Variants in DLG2 observed in about 807,000 individuals in gnomAD.
DLG2 encodes the protein disks large homolog 2.
A neutral mutation model predicts 132.5 loss-of-function variants in DLG2; 45 were observed. The observed-to-expected ratio is 0.34, with a 90% CI of 0.27 to 0.44. The LOEUF is 0.44. Ranked by LOEUF, DLG2 falls within the 20% of genes least tolerant of loss-of-function variation. The pLI, the probability that DLG2 is intolerant of heterozygous loss-of-function variation, is 1.00. For synonymous variants in DLG2, 424 were observed against 419.6 expected (o/e 1.01, Z -0.13); for missense variants, 1,045 against 1,196.9 (o/e 0.87, Z 1.87).
chr11:84,270,293 G>A (rs1289271432), intron 7 of DLG2, among the ~76,000 whole-genome samples: 1 of 152,194 alleles, frequency 6.6e-6, no homozygotes, highest in Non-Finnish European at 1.5e-5. Flanking sequence ...GATAAGAAAA[G>A]TTCTGTGTTG....
At chr11:85,559,142 C>CATT (rs1294604873) in intron 3 of DLG2, among the ~76,000 whole-genome samples, 2 of 149,912 alleles carry the variant, frequency 1.3e-5, no homozygotes, top group African/African-American at 2.5e-5. Context: ...ATATGGCTTC[C>CATT]ATTATTATTA....
chr11:84,334,670 C>T (rs1185319729), intron 7 of DLG2, among the ~76,000 whole-genome samples: 1 of 152,150 alleles, frequency 6.6e-6, no homozygotes, highest in African/African-American at 2.4e-5. Context: ...CTTCAAAAGG[C>T]CTCAGTTTAC....
At chr11:85,410,105 T>C (rs531474213) in intron 3 of DLG2, among the ~76,000 whole-genome samples, 68 of 151,856 alleles carry the variant, frequency 4.5e-4, no homozygotes, top group African/African-American at 1.3e-3. Context: ...TACTGCAAAA[T>C]TGATGGACAC....
At chr11:83,982,426 G>A (rs1476388327) in intron 11 of DLG2, among the ~76,000 whole-genome samples, 1 of 149,228 alleles carries the variant, frequency 6.7e-6, no homozygotes, top group African/African-American at 2.5e-5. Flanking sequence ...CCCTGGGTAG[G>A]CCTAGGCTAA....
At chr11:84,606,810 G>T (rs540616922) in intron 6 of DLG2, among the ~76,000 whole-genome samples, 1 of 152,054 alleles carries the variant, frequency 6.6e-6, no homozygotes, top group Non-Finnish European at 1.5e-5. Flanking sequence ...ACATTGATGC[G>T]TTAAGCTCCT....
intron 19 of DLG2, among the ~76,000 whole-genome samples, chr11:83,551,638 T>C (rs924520947): frequency 1.3e-5 from 2 of 152,116 alleles, no homozygotes; most frequent in African/African-American, 4.8e-5. Context: ...CAGGCTGTAC[T>C]GTAGCAGGAG....
At chr11:84,663,798 T>C (rs1322223200) in intron 6 of DLG2, among the ~76,000 whole-genome samples, 1 of 152,182 alleles carries the variant, frequency 6.6e-6, no homozygotes, top group African/African-American at 2.4e-5. Context: ...AGTTCCCATA[T>C]CTAATTCTTA....
chr11:83,682,522 C>T, intron 18 of DLG2: 4 of 868,436 alleles, frequency 4.6e-6, no homozygotes, highest in Non-Finnish European at 5.5e-6. Flanking sequence ...CCCCCATCCT[C>T]TGCTCGTGTT....
intron 10 of DLG2, among the ~76,000 whole-genome samples, chr11:84,086,646 C>A (rs2096987309): frequency 6.6e-6 from 1 of 151,884 alleles, no homozygotes; most frequent in African/African-American, 2.4e-5. Flanking sequence ...TGCACCACCA[C>A]ACCTGGCTAA....
chr11:84,674,207 C>A (rs1446544219), intron 6 of DLG2, among the ~76,000 whole-genome samples: 1 of 152,044 alleles, frequency 6.6e-6, no homozygotes, highest in Non-Finnish European at 1.5e-5. Flanking sequence ...CTACTGTATT[C>A]AACAGTAAAT....
chr11:85,529,990 T>G (rs951136985), intron 3 of DLG2, among the ~76,000 whole-genome samples: 1 of 149,356 alleles, frequency 6.7e-6, no homozygotes, highest in Non-Finnish European at 1.5e-5. Context: ...AGGGTTTGTT[T>G]TTTTTTTTTT....
intron 15 of DLG2, among the ~76,000 whole-genome samples, chr11:83,886,806 A>G (rs564835583): frequency 8.6e-5 from 13 of 151,992 alleles, no homozygotes; most frequent in African/African-American, 3.1e-4. Context: ...ACTCAAAACC[A>G]CTCAACTACA....
intron 6 of DLG2, among the ~76,000 whole-genome samples, chr11:84,983,068 T>G (rs2055987465): frequency 6.6e-6 from 1 of 152,186 alleles, no homozygotes; most frequent in Non-Finnish European, 1.5e-5. Flanking sequence ...AGAAGTCTTA[T>G]CCAGTGCAAC....
intron 6 of DLG2, among the ~76,000 whole-genome samples, chr11:84,928,982 G>GTGTGTGTGTGTGTGTA (rs1400906684): frequency 8.1e-5 from 4 of 49,116 alleles, no homozygotes; most frequent in Admixed American, 2.9e-4. Context: ...GTGTGTGTGT[G>GTGTGTGTGTGTGTGTA]TATATATATA....
chr11:84,494,447 C>A (rs2099174737), intron 7 of DLG2, among the ~76,000 whole-genome samples: 1 of 152,156 alleles, frequency 6.6e-6, no homozygotes, highest in Non-Finnish European at 1.5e-5. Flanking sequence ...TGCTTAGAGA[C>A]TGGCCAGAGA....
intron 18 of DLG2, among the ~76,000 whole-genome samples, chr11:83,721,381 T>C (rs986613363): frequency 6.6e-6 from 1 of 152,194 alleles, no homozygotes; most frequent in African/African-American, 2.4e-5. Context: ...TACCACAATA[T>C]ATTAAGTATG....
At position 83,965,436 on chromosome 11, in the gene DLG2, G is replaced by C; in HGVS notation, c.1089C>G (p.His363Gln). Residue 363 changes from histidine to glutamine, a missense_variant, in exon 13 of 28, where the codon CAC becomes CAG. Coordinates refer to ENST00000376104, the MANE Select transcript of DLG2 (RefSeq NM_001142699.3). ...VNNYSLEEVT[H>Q]EEAVAILKNT... ...TCTTTAATATTGCTACTGCCTCTTCGTGTGTTACTTCTTCTAAACTGTAGT... is the reference window on the plus strand; with the variant it reads ...TCTTTAATATTGCTACTGCCTCTTCCTGTGTTACTTCTTCTAAACTGTAGT... 1 of 1,610,620 alleles carries C rather than the reference G, an allele frequency of 6.2e-7. No homozygotes were observed. The highest frequency in any genetic ancestry group is 8.5e-7 in the Non-Finnish European group (1 of 1,177,940).
chr11:84,901,428 G>C (rs2154070725), intron 6 of DLG2, among the ~76,000 whole-genome samples: 1 of 152,184 alleles, frequency 6.6e-6, no homozygotes, highest in East Asian at 1.9e-4. Context: ...AGATAAGTTG[G>C]TTTTGAGCCC....
intron 3 of DLG2, among the ~76,000 whole-genome samples, chr11:85,464,812 C>T (rs1315903739): frequency 6.6e-6 from 1 of 151,828 alleles, no homozygotes; most frequent in Non-Finnish European, 1.5e-5. Context: ...CGGTGGCTCA[C>T]ACCTGTAATT....
Sources: gnomAD v4.1 joint callset for allele counts (sites outside exome capture counted in the v4.1 genomes callset) on GRCh38, gnomAD v4.1.1 for gene constraint, MANE v1.5 for transcripts, NCBI Gene and HGNC (gene_info 2026-07-23, HGNC 2026-07-21) for gene names.